SLC4A4: variants seen among roughly 807,000 people sequenced by gnomAD.
SLC4A4 encodes the protein solute carrier family 4 member 4.
SLC4A4 carries 27 observed loss-of-function variants against 111.5 expected under a neutral mutation model. The ratio of observed to expected loss-of-function variants is 0.24; its 90% CI spans 0.18 to 0.33. The LOEUF is 0.33. Among genes scored for constraint, SLC4A4 ranks in the 10% least tolerant of loss-of-function variants. The pLI, the probability that SLC4A4 is intolerant of heterozygous loss-of-function variation, is 1.00. For synonymous variants in SLC4A4, 443 were observed against 463.4 expected (o/e 0.96, Z 0.57); for missense variants, 909 against 1,315.5 (o/e 0.69, Z 4.78).
chr4:71,226,044 A>G (rs1049691326), intron 1 of SLC4A4, among the ~76,000 whole-genome samples: 2 of 152,212 alleles, frequency 1.3e-5, no homozygotes, highest in Non-Finnish European at 2.9e-5. Context: ...TTATAGGTTT[A>G]CCTAAACACA....
intron 3 of SLC4A4, among the ~76,000 whole-genome samples, chr4:71,275,294 T>A (rs540924893): frequency 7.9e-5 from 12 of 151,448 alleles, no homozygotes; most frequent in African/African-American, 2.7e-4. Context: ...GCAGAACACA[T>A]TTTTTTTTCC....
intron 2 of SLC4A4, among the ~76,000 whole-genome samples, chr4:71,242,757 A>G (rs1720350952): frequency 6.6e-6 from 1 of 151,438 alleles, no homozygotes; most frequent in Non-Finnish European, 1.5e-5. Context: ...ATTTTCTTAT[A>G]ATTTTATATA....
chr4:71,075,694 G>A (rs1304720373), intron 1 of SLC4A4, among the ~76,000 whole-genome samples: 1 of 152,170 alleles, frequency 6.6e-6, no homozygotes, highest in Non-Finnish European at 1.5e-5. Context: ...TCACGGCCGG[G>A]CGCGGTGGCT....
chr4:71,338,632 A>G (rs867864284), intron 3 of SLC4A4, among the ~76,000 whole-genome samples: 1 of 147,282 alleles, frequency 6.8e-6, no homozygotes, highest in Non-Finnish European at 1.5e-5. Context: ...TTTTCATTGC[A>G]TGATTTTCAG....
chr4:71,244,882 G>T (rs1408764107), intron 2 of SLC4A4, among the ~76,000 whole-genome samples: 2 of 150,998 alleles, frequency 1.3e-5, no homozygotes, highest in Non-Finnish European at 2.9e-5. Context: ...TGATAACATT[G>T]TAACTAGGAC....
chr4:71,461,355 C>A (rs1577961202), intron 12 of SLC4A4, among the ~76,000 whole-genome samples: 1 of 151,836 alleles, frequency 6.6e-6, no homozygotes, highest in East Asian at 1.9e-4. Context: ...AGCCTTTTTT[C>A]CCCTTCTGTT....
rs3065802 is a variant in SLC4A4, at chr4:71,091,253, A to AT, written c.-64-1460dup. Among the ~76,000 whole-genome samples, 140 of 125,494 alleles carry AT rather than the reference A, an allele frequency of 1.1e-3. 1 individual carries two copies. Among genetic ancestry groups the AT allele is most frequent in the Middle Eastern group, 4.2e-3 (1 of 238 alleles). The allele number at this position is 125,494 out of a possible 152,430, so 82.3% of individuals were successfully genotyped here. ...GTGAGCCACTGTGCCTGGCCTTGAA[A>AT]TTTTTTTTTTTTTTTTTGAGCCGGA... On this transcript the variant is annotated intron_variant, in intron 1 of 26. Transcript: ENST00000649996.
chr4:71,318,041 C>A (rs1033823783), intron 3 of SLC4A4, among the ~76,000 whole-genome samples: 2 of 151,860 alleles, frequency 1.3e-5, no homozygotes, highest in African/African-American at 4.8e-5. Context: ...CTTCAATAAA[C>A]CTCATAACTG....
intron 13 of SLC4A4, among the ~76,000 whole-genome samples, chr4:71,472,286 A>G (rs542682131): frequency 6.6e-6 from 1 of 152,020 alleles, no homozygotes; most frequent in South Asian, 2.1e-4. Context: ...CCGTGATGAC[A>G]TAGGGACAGA....
intron 14 of SLC4A4, among the ~76,000 whole-genome samples, chr4:71,476,005 C>A (rs920745627): frequency 6.6e-6 from 1 of 151,732 alleles, no homozygotes; most frequent in Non-Finnish European, 1.5e-5. Context: ...GTTGGTTGTA[C>A]CTCTTATTGG....
At chr4:71,327,036 A>T (rs995263412) in intron 3 of SLC4A4, among the ~76,000 whole-genome samples, 1 of 152,030 alleles carries the variant, frequency 6.6e-6, no homozygotes, top group African/African-American at 2.4e-5. Context: ...TGTGAAATCC[A>T]GAAGTCCTCA....
At chr4:71,218,699 TATC>T (rs949755891) in intron 1 of SLC4A4, among the ~76,000 whole-genome samples, 2 of 152,206 alleles carry the variant, frequency 1.3e-5, no homozygotes, top group African/African-American at 4.8e-5. Context: ...ATCTCAGTTT[TATC>T]ATCTGTAAAA....
chr4:71,298,429 G>T lies in SLC4A4; in HGVS notation c.254-40941G>T, dbSNP rs142722468. On this transcript the variant is annotated intron_variant, in intron 3 of 25. Coordinates refer to ENST00000264485, the MANE Select transcript of SLC4A4 (RefSeq NM_001098484.3). The stretch of plus-strand genomic sequence containing the variant: ...GCCTTGTGAAAGACTGTGTTTTAAG[G>T]GTTGAGTTCAACCATTAAGGTTGAT... 5.4e-4 allele frequency among the ~76,000 whole-genome samples: 82 copies of T among 152,188 alleles called. No homozygotes were observed. The East Asian group carries it at 0.015, about 27-fold the overall frequency.
chr4:71,560,405 C>T (rs1309666963), intron 23 of SLC4A4, 151 bp downstream of exon 23: 14 of 727,402 alleles, frequency 1.9e-5, no homozygotes, highest in Non-Finnish European at 2.9e-5. Flanking sequence ...TCCCTTTGCC[C>T]TTTATATTCT....
Position 71,254,521 on chromosome 4 carries a change from G to A in SLC4A4, c.74-699G>A, listed in dbSNP as rs146237668. 5.5e-3 allele frequency among the ~76,000 whole-genome samples: 829 copies of A among 152,086 alleles called. 5 individuals are homozygous for A. Among genetic ancestry groups the A allele is most frequent in the Non-Finnish European group, 7.5e-3 (508 of 67,978 alleles). The stretch of plus-strand genomic sequence containing the variant: ...AAATGAAAAAAGAAAAATGAGAATG[G>A]CACTGTAGCTGACATTCATTTTAGC... On this transcript the variant is annotated intron_variant, in intron 2 of 25. Coordinates refer to ENST00000264485, the MANE Select transcript of SLC4A4 (RefSeq NM_001098484.3).
chr4:71,090,474 T>C lies in SLC4A4; in HGVS notation c.-64-2256T>C, dbSNP rs1808035. Among the ~76,000 whole-genome samples the C allele has an allele frequency of 9.1e-3, 1,381 of 152,268 alleles. 25 individuals are homozygous for C. Among genetic ancestry groups the C allele is most frequent in the African/African-American group, 0.032 (1,313 of 41,544 alleles). ...CGGTTGGAAATGCAGAAATCACCCG[T>C]CTTCTGCATCGTTCATGCTGGGTAA... On this transcript the variant is annotated intron_variant, in intron 1 of 26. Coordinates refer to the SLC4A4 transcript ENST00000649996.
intron 1 of SLC4A4, among the ~76,000 whole-genome samples, chr4:71,084,927 G>T (rs1403237881): frequency 6.6e-6 from 1 of 151,988 alleles, no homozygotes; most frequent in Non-Finnish European, 1.5e-5. Flanking sequence ...CCCAGTAATG[G>T]GATTGCTAGG....
At chr4:71,130,197 C>A (rs1394233341) in intron 2 of SLC4A4, among the ~76,000 whole-genome samples, 1 of 152,090 alleles carries the variant, frequency 6.6e-6, no homozygotes, top group Non-Finnish European at 1.5e-5. Flanking sequence ...ACTCCTCTGA[C>A]CTCTTCAATT....
At chr4:71,193,757 C>T (rs1189847451) in intron 1 of SLC4A4, among the ~76,000 whole-genome samples, 2 of 151,930 alleles carry the variant, frequency 1.3e-5, no homozygotes, top group Non-Finnish European at 2.9e-5. Context: ...GTTTTTTGCT[C>T]CTGAAGTTTT....
Sources: allele counts gnomAD v4.1 joint callset (sites outside exome capture counted in the v4.1 genomes callset), GRCh38; gene constraint gnomAD v4.1.1; transcripts MANE v1.5; gene names NCBI Gene and HGNC (gene_info 2026-07-23, HGNC 2026-07-21).